CORO1C: variants seen among roughly 807,000 people sequenced by gnomAD.
CORO1C encodes coronin 1C.
A neutral mutation model predicts 51.2 loss-of-function variants in CORO1C; 14 were observed. The observed-to-expected ratio is 0.27, with a 90% CI of 0.18 to 0.43. The LOEUF is 0.43. Ranked by LOEUF, CORO1C falls within the 20% of genes least tolerant of loss-of-function variation. The pLI is 1.00. For synonymous variants in CORO1C, 181 were observed against 210.5 expected (o/e 0.86, Z 1.21); for missense variants, 417 against 607.8 (o/e 0.69, Z 3.30).
At chr12:108,683,765 A>T (rs61934131) in intron 2 of CORO1C, among the ~76,000 whole-genome samples, 4,969 of 152,238 alleles carry the variant, frequency 0.033, 116 homozygotes, top group Non-Finnish European at 0.049. Context: ...CAATCAATCA[A>T]TCAGCAAATA....
chr12:108,703,065 G>A, intron 1 of CORO1C: 1 of 1,022,892 alleles, frequency 9.8e-7, no homozygotes, highest in Non-Finnish European at 1.4e-6. Context: ...ATGAGGTGGT[G>A]AAAAGCAAAA....
Position 108,680,306 on chromosome 12 carries a change from G to A in CORO1C, c.196-1912C>T, listed in dbSNP as rs560044864. ...AGTTCTAAGTTGAGGCCTGAATATG[G>A]CCCTGTTTACAGACCTAAGGCCTAG... On this transcript the variant is annotated intron_variant, in intron 2 of 10. Transcript: ENST00000261401. 1.9e-4 allele frequency among the ~76,000 whole-genome samples: 29 copies of A among 152,310 alleles called. 4 individuals carry two copies. Among genetic ancestry groups the A allele is most frequent in the African/African-American group, 7.0e-4 (29 of 41,576 alleles).
chr12:108,710,918 G>A (rs569643295), intron 1 of CORO1C, among the ~76,000 whole-genome samples: 1 of 152,214 alleles, frequency 6.6e-6, no homozygotes, highest in South Asian at 2.1e-4. Flanking sequence ...TAAAAATAAG[G>A]TCTACCTCTA....
chr12:108,730,821 G>C (rs1012416527), intron 1 of CORO1C: 9 of 150,050 alleles, frequency 6.0e-5, no homozygotes, highest in African/African-American at 1.5e-4. Flanking sequence ...ACCGAGATCT[G>C]CAGGGCCCAG....
At chr12:108,673,334 C>T (rs1303467159) in intron 3 of CORO1C, among the ~76,000 whole-genome samples, 1 of 152,206 alleles carries the variant, frequency 6.6e-6, no homozygotes, top group Non-Finnish European at 1.5e-5. Flanking sequence ...TCCTAACTCT[C>T]TTCAATTCCA....
chr12:108,692,847 G>C (rs10861962), intron 2 of CORO1C, among the ~76,000 whole-genome samples: 71,393 of 145,572 alleles, frequency 0.49, 17,779 homozygotes, highest in South Asian at 0.7. Context: ...GCCCAGGCTG[G>C]AGTGCAATGG....
intron 4 of CORO1C, 25 bp downstream of exon 4, chr12:108,662,004 G>T (rs774457412): frequency 1.9e-6 from 3 of 1,613,792 alleles, no homozygotes; most frequent in Non-Finnish European, 2.5e-6. Context: ...AAGACAAGGG[G>T]AGGACCGCTG....
At chr12:108,679,109 CAAAAAAAAA>C (rs1183326267) in intron 2 of CORO1C, among the ~76,000 whole-genome samples, 1 of 22,172 alleles carries the variant, frequency 4.5e-5, no homozygotes. Context: ...GACTCTGTCT[CAAAAAAAAA>C]AAAAAAAAAA....
intron 2 of CORO1C, among the ~76,000 whole-genome samples, chr12:108,682,560 C>A (rs560436989): frequency 6.6e-6 from 1 of 151,998 alleles, no homozygotes; most frequent in Non-Finnish European, 1.5e-5. Flanking sequence ...GTTGACAGAA[C>A]TTGAAGAAAA....
At chr12:108,707,154 A>G (rs2035051960) in intron 1 of CORO1C, among the ~76,000 whole-genome samples, 1 of 152,228 alleles carries the variant, frequency 6.6e-6, no homozygotes, top group South Asian at 2.1e-4. Flanking sequence ...TCAGACTCCC[A>G]GAAGAATTCT....
At chr12:108,686,940 C>T (rs1049536256) in intron 2 of CORO1C, among the ~76,000 whole-genome samples, 9 of 152,224 alleles carry the variant, frequency 5.9e-5, no homozygotes, top group Non-Finnish European at 1.5e-5. Flanking sequence ...ACAATTTCCA[C>T]GTGGCTGGCC....
chr12:108,649,208 G>A, intron 8 of CORO1C, 188 bp from the exon 9 acceptor site: 3 of 645,444 alleles, frequency 4.6e-6, no homozygotes, highest in South Asian at 2.0e-5. Context: ...AACGGAAGCT[G>A]AGAGTCACTA....
chr12:108,705,446 C>G (rs1264561851), intron 1 of CORO1C, among the ~76,000 whole-genome samples: 9 of 99,144 alleles, frequency 9.1e-5, no homozygotes, highest in Admixed American at 1.6e-4. Context: ...GGTGACAGAG[C>G]AAGACCCTGT....
intron 2 of CORO1C, among the ~76,000 whole-genome samples, chr12:108,687,866 C>T (rs2034354806): frequency 1.3e-5 from 2 of 151,328 alleles, no homozygotes; most frequent in Non-Finnish European, 2.9e-5. Flanking sequence ...CACTTCCTAT[C>T]AATCTTACTG....
Position 108,702,862 on chromosome 12 carries a change from G to C in CORO1C, c.-5-1539C>G, listed in dbSNP as rs1018734166. 4 of 1,535,660 alleles carry C rather than the reference G, an allele frequency of 2.6e-6. No homozygotes were observed. In the African/African-American group the frequency reaches 5.5e-5, roughly 21 times the overall value. ...GGGGCATGTAGCCGGGCTGAAGTAA[G>C]AGACCCTTGGCAGGCAATTGAGCAT... On this transcript the variant is annotated intron_variant, in intron 1 of 10. Coordinates refer to ENST00000261401, the MANE Select transcript of CORO1C (RefSeq NM_014325.4).
rs2032404343 is a variant in CORO1C, at chr12:108,647,329, G to A, written c.*74C>T. On this transcript the variant is annotated 3_prime_UTR_variant, in exon 11 of 11. Transcript: ENST00000261401. ...AGTGCCTCCCTTTCCGCCCTCCCTA[G>A]GACCACACCAATAACCAGCTCCCAA... is the stretch of plus-strand genomic sequence containing the variant. 1 of 1,513,212 alleles carries A rather than the reference G, an allele frequency of 6.6e-7. No individual in the cohort carries two copies. Among genetic ancestry groups the A allele is most frequent in the African/African-American group, 1.4e-5 (1 of 71,582 alleles). The allele number at this position is 1,513,212 out of a possible 1,614,324, so 93.7% of individuals were successfully genotyped here.
At chr12:108,698,807 T>A (rs910832366) in intron 2 of CORO1C, among the ~76,000 whole-genome samples, 1 of 152,254 alleles carries the variant, frequency 6.6e-6, no homozygotes, top group Non-Finnish European at 1.5e-5. Context: ...AGTCAGTGAC[T>A]GAGCCAGGAC....
At chr12:108,709,001 C>T (rs1184987082) in intron 1 of CORO1C, among the ~76,000 whole-genome samples, 1 of 151,964 alleles carries the variant, frequency 6.6e-6, no homozygotes, top group Non-Finnish European at 1.5e-5. Flanking sequence ...GGAATATTTC[C>T]ATCTCAGCCT....
chr12:108,662,247 T>C lies in CORO1C; in HGVS notation c.319-89A>G. 3.4e-6 allele frequency: 4 copies of C among 1,169,042 alleles called. No individual in the cohort carries two copies. The South Asian group carries it at 3.8e-5, about 11-fold the overall frequency. The allele number at this position is 1,169,042 out of a possible 1,614,324, so 72.4% of individuals were successfully genotyped here. On this transcript the variant is annotated intron_variant, in intron 3 of 10. Coordinates refer to ENST00000261401, the MANE Select transcript of CORO1C (RefSeq NM_014325.4). ...GTGACCATCCACTATAAAGATTTGC[T>C]CTATGTAAACAGAACATAGAGTGAT... is the stretch of plus-strand genomic sequence containing the variant.
Sources: allele counts gnomAD v4.1 joint callset (sites outside exome capture counted in the v4.1 genomes callset), GRCh38; gene constraint gnomAD v4.1.1; transcripts MANE v1.5; gene names NCBI Gene and HGNC (gene_info 2026-07-23, HGNC 2026-07-21).